Variants in ORC3 observed in about 807,000 individuals in gnomAD.
ORC3 encodes the protein origin recognition complex subunit 3.
ORC3 carries 78 observed loss-of-function variants against 100.7 expected under a neutral mutation model. That is an observed-to-expected ratio of 0.77 (90% CI 0.65 to 0.94). The LOEUF (loss-of-function observed/expected upper bound fraction) is 0.94. Ranked by LOEUF, ORC3 falls within the 40% of genes least tolerant of loss-of-function variation. The probability of loss-of-function intolerance (pLI) is 0.00; values close to 1 mark genes in which losing one functional copy is unlikely to be tolerated. For missense variants in ORC3, 789 were observed against 823.9 expected (o/e 0.96, Z 0.52); for synonymous variants, 295 against 289.3 (o/e 1.02, Z -0.20).
rs1331285471 is a variant in ORC3, at chr6:87,616,337, C to T, written c.897C>T (p.Pro299=). 1 of 1,476,726 alleles carries T rather than the reference C, an allele frequency of 6.8e-7. No individual in the cohort carries two copies. The highest frequency in any genetic ancestry group is 2.3e-5 in the East Asian group (1 of 44,066). 91.5% of individuals were successfully genotyped at this position (1,476,726 alleles called of 1,614,324 possible). A position where few individuals can be genotyped will look rare whatever the true frequency, so the allele number is the denominator to read the frequency against. The change falls in exon 9 of 20, where the codon CCC becomes CCT. Residue 299 remains proline (P), a synonymous_variant. Transcript: ENST00000392844. Reference sequence around the variant, plus strand: ...AGCTACTTCTTACAACTCAGTTTCCCTTTAAAATAAATGAAAAAGTATTAC... The same window carrying T: ...AGCTACTTCTTACAACTCAGTTTCCTTTTAAAATAAATGAAAAAGTATTAC... The part of the protein sequence containing the change: ...LDKLLLTTQF[P]FKINEKVLQV...
intron 13 of ORC3, among the ~76,000 whole-genome samples, chr6:87,639,825 CAAAAAA>C (rs548788316): frequency 6.8e-5 from 4 of 58,764 alleles, no homozygotes; most frequent in South Asian, 7.5e-4. Context: ...GCCAAAAATA[CAAAAAA>C]AAAAAAAAAA....
Position 87,663,134 on chromosome 6 carries a change from A to T in ORC3, c.1823A>T (p.Tyr608Phe). ...ALHTALNNPYYYLKNEALKSE... is the reference protein window; with the variant it reads ...ALHTALNNPYFYLKNEALKSE... Reference sequence around the variant, plus strand: ...CATACTGCACTCAACAATCCTTACTATTATCTCAAGGTAAGATGAACATTT... The same window carrying T: ...CATACTGCACTCAACAATCCTTACTTTTATCTCAAGGTAAGATGAACATTT... The change falls in exon 17 of 20, where the codon TAT (tyrosine) becomes TTT (phenylalanine). Residue 608 changes from tyrosine to phenylalanine, a missense_variant. Coordinates refer to ENST00000392844, the MANE Select transcript of ORC3 (RefSeq NM_012381.4). The T allele has an allele frequency of 6.2e-7, 1 of 1,610,336 alleles. No homozygotes were observed. The highest frequency in any genetic ancestry group is 2.2e-5 in the East Asian group (1 of 44,846).
chr6:87,639,212 CA>C (rs1488694521), intron 13 of ORC3, among the ~76,000 whole-genome samples: 2 of 152,242 alleles, frequency 1.3e-5, no homozygotes, highest in East Asian at 3.9e-4. Flanking sequence ...AAGGGATACT[CA>C]ATCTGTATGT....
At chr6:87,658,779 TTA>T in intron 16 of ORC3, among the ~76,000 whole-genome samples, 1 of 152,302 alleles carries the variant, frequency 6.6e-6, no homozygotes, top group South Asian at 2.1e-4. Context: ...GTGCACCTCA[TTA>T]TCAGCACTAA....
Position 87,610,319 on chromosome 6 carries a change from A to G in ORC3, c.713+1090A>G, listed in dbSNP as rs553719100. 1.1e-4 allele frequency among the ~76,000 whole-genome samples: 16 copies of G among 149,964 alleles called. No homozygotes were observed. In the East Asian group the frequency reaches 1.4e-3, roughly 13 times the overall value. ...CGCCTCCCGGGTTCAAGCAGTTCTCATGCCTCAGCCTCCCAAGTAGCTGGG... is the reference window on the plus strand; with the variant it reads ...CGCCTCCCGGGTTCAAGCAGTTCTCGTGCCTCAGCCTCCCAAGTAGCTGGG... On this transcript the variant is annotated intron_variant, in intron 7 of 19. Transcript: ENST00000392844.
At chr6:87,591,826 GATTCAAGCT>G (rs979232384) in intron 1 of ORC3, among the ~76,000 whole-genome samples, 15 of 151,876 alleles carry the variant, frequency 9.9e-5, no homozygotes, top group African/African-American at 3.6e-4. Flanking sequence ...CCACCTCCCC[GATTCAAGCT>G]ATTCTCCCAC....
rs1186151553 is a variant in ORC3, at chr6:87,610,539, AT to A, written c.713+1319del. Among the ~76,000 whole-genome samples the A allele has an allele frequency of 5.9e-3, 881 of 148,112 alleles. 29 individuals carry two copies. The highest frequency in any genetic ancestry group is 0.04 in the Middle Eastern group (11 of 274). ...CCCAGCTAATTTACTAATATACTTT[AT>A]TTTTTTTTATTTTTTATTTTTTTTG... On this transcript the variant is annotated intron_variant, in intron 7 of 19. Transcript: ENST00000392844.
chr6:87,636,212 GTGAGCCA>G (rs1767814327), intron 12 of ORC3, among the ~76,000 whole-genome samples, 188 bp from the exon 13 acceptor site: 1 of 152,128 alleles, frequency 6.6e-6, no homozygotes, highest in Non-Finnish European at 1.5e-5. Flanking sequence ...GATTACAGGC[GTGAGCCA>G]CCGCGCCTGG....
intron 19 of ORC3, 116 bp from the exon 20 acceptor site, chr6:87,666,902 G>C (rs2128297705): frequency 1.7e-6 from 1 of 586,114 alleles, no homozygotes; most frequent in Admixed American, 3.3e-5. Context: ...GTTTAATTTA[G>C]GAGTTTATAT....
intron 11 of ORC3, among the ~76,000 whole-genome samples, chr6:87,630,310 A>T (rs1364730586): frequency 6.6e-6 from 1 of 152,190 alleles, no homozygotes; most frequent in Non-Finnish European, 1.5e-5. Context: ...CTGAGACAAG[A>T]GGATCACTTG....
At chr6:87,613,447 C>G (rs1295507563) in intron 8 of ORC3, among the ~76,000 whole-genome samples, 3 of 152,092 alleles carry the variant, frequency 2.0e-5, no homozygotes, top group Non-Finnish European at 4.4e-5. Context: ...TGCCCCTGGC[C>G]CCTCCCAAAT....
intron 14 of ORC3, among the ~76,000 whole-genome samples, chr6:87,654,809 C>T (rs755549390): frequency 3.3e-5 from 5 of 152,006 alleles, no homozygotes; most frequent in Non-Finnish European, 4.4e-5. Context: ...TTTTGCTGGG[C>T]ACCATTAACG....
In ORC3 at chr6:87,667,185, T is replaced by C. The variant is rs1770710139; in HGVS notation, c.*62T>C. The C allele has an allele frequency of 1.2e-5, 11 of 927,540 alleles. No individual in the cohort carries two copies. Among genetic ancestry groups the C allele is most frequent in the Admixed American group, 2.3e-5 (1 of 43,630 alleles). The allele number at this position is 927,540 out of a possible 1,614,324, so 57.5% of individuals were successfully genotyped here. A position where few individuals can be genotyped will look rare whatever the true frequency, so the allele number is the denominator to read the frequency against. ...CTTAAGAGAAAAAGGTGACCAGTCA[T>C]ATTTACATATATTAGAGGAGCCTGT... On this transcript the variant is annotated 3_prime_UTR_variant, in exon 20 of 20. Coordinates refer to ENST00000392844, the MANE Select transcript of ORC3 (RefSeq NM_012381.4).
chr6:87,649,019 C>G (rs1051946784), intron 13 of ORC3, among the ~76,000 whole-genome samples: 1 of 152,188 alleles, frequency 6.6e-6, no homozygotes, highest in Non-Finnish European at 1.5e-5. Flanking sequence ...TACACTTTTG[C>G]TGCTGCTGGA....
chr6:87,623,769 A>G (rs1779694573), intron 11 of ORC3, among the ~76,000 whole-genome samples: 1 of 152,138 alleles, frequency 6.6e-6, no homozygotes, highest in South Asian at 2.1e-4. Context: ...CTGTAGTCCC[A>G]GCTACTCAGG....
chr6:87,607,908 A>C lies in ORC3; in HGVS notation c.579+84A>C, dbSNP rs1778465505. ...AATAATATTAGACAGTACTGTTTTG[A>C]TCTAACAAGGATATGTTTCTGCAGC... On this transcript the variant is annotated intron_variant, in intron 6 of 19. Transcript: ENST00000392844. 1.2e-5 allele frequency: 11 copies of C among 882,874 alleles called. No homozygotes were observed. In the South Asian group the frequency reaches 2.4e-4, roughly 20 times the overall value. 54.7% of individuals were successfully genotyped at this position (882,874 alleles called of 1,614,324 possible). A position where few individuals can be genotyped will look rare whatever the true frequency, so the allele number is the denominator to read the frequency against.
At position 87,640,173 on chromosome 6, in the gene ORC3, A is replaced by G. The variant is rs546329879; in HGVS notation, c.1382+3687A>G. Among the ~76,000 whole-genome samples, 183 of 152,296 alleles carry G rather than the reference A, an allele frequency of 1.2e-3. 1 individual carries two copies. The highest frequency in any genetic ancestry group is 2.1e-3 in the Non-Finnish European group (141 of 68,026). ...CTCTAGTGTATTTCACAGAAAACAA[A>G]ACCTCCCAATAAAACTGTTGAAACC... On this transcript the variant is annotated intron_variant, in intron 13 of 19. Transcript: ENST00000392844.
At chr6:87,631,915 C>T (rs1583090608) in intron 11 of ORC3, among the ~76,000 whole-genome samples, 1 of 152,140 alleles carries the variant, frequency 6.6e-6, no homozygotes, top group Admixed American at 6.5e-5. Context: ...CTAATCCCGA[C>T]ACTTTGGGAG....
rs1401491008 is a variant in ORC3 at position 87,642,998 on chromosome 6, C to G, written c.1382+6512C>G. ...TTCTTTATTTTAGAAAAGGAATTGC[C>G]AATCCTGAATTTGCATCACATTAGG... On this transcript the variant is annotated intron_variant, in intron 13 of 19. Coordinates refer to ENST00000392844, the MANE Select transcript of ORC3 (RefSeq NM_012381.4). Among the ~76,000 whole-genome samples, 4 of 151,800 alleles carry G rather than the reference C, an allele frequency of 2.6e-5. No homozygotes were observed. In the East Asian group the frequency reaches 7.7e-4, roughly 29 times the overall value.
Sources: gnomAD v4.1 joint callset for allele counts (sites outside exome capture counted in the v4.1 genomes callset) on GRCh38, gnomAD v4.1.1 for gene constraint, MANE v1.5 for transcripts, NCBI Gene and HGNC (gene_info 2026-07-23, HGNC 2026-07-21) for gene names.